Variants in STXBP6 observed in about 807,000 individuals in gnomAD.
STXBP6 encodes syntaxin-binding protein 6.
STXBP6 carries 21 observed loss-of-function variants against 26.9 expected under a neutral mutation model. That is an observed-to-expected ratio of 0.78 (90% CI 0.55 to 1.12). The LOEUF (loss-of-function observed/expected upper bound fraction) is 1.12, where lower values mean the gene tolerates loss of function less well. Ranked by LOEUF, STXBP6 falls within the 50% of genes most tolerant of loss-of-function variation. STXBP6 has a pLI of 0.00. For missense variants in STXBP6, 232 were observed against 257.9 expected, an observed-to-expected ratio of 0.90 and a Z score of 0.69; for synonymous variants, 97 against 92.6, an observed-to-expected ratio of 1.05 and a Z score of -0.27.
intron 2 of STXBP6, among the ~76,000 whole-genome samples, chr14:24,942,745 A>G (rs1168254496): frequency 6.6e-6 from 1 of 152,246 alleles, no homozygotes; most frequent in Admixed American, 6.5e-5. Context: ...TTCACAAAAG[A>G]TAAAGGGGGT....
chr14:24,822,875 G>A (rs12879077), intron 4 of STXBP6, among the ~76,000 whole-genome samples: 5,950 of 152,170 alleles, frequency 0.039, 159 homozygotes, highest in Middle Eastern at 0.11. Context: ...AGTTTCACAC[G>A]TATTTATTAA....
chr14:24,990,013 A>T (rs1473405181), intron 1 of STXBP6, among the ~76,000 whole-genome samples: 1 of 152,188 alleles, frequency 6.6e-6, no homozygotes, highest in African/African-American at 2.4e-5. Context: ...AGATGGAGAC[A>T]ATGGTTTTTA....
intron 2 of STXBP6, among the ~76,000 whole-genome samples, chr14:24,932,305 G>A (rs2072444805): frequency 1.3e-5 from 2 of 152,178 alleles, no homozygotes; most frequent in South Asian, 4.1e-4. Flanking sequence ...TACTTAGGAG[G>A]CTGAGGCAGG....
chr14:24,878,816 G>C (rs1328265440), intron 2 of STXBP6: 1 of 449,906 alleles, frequency 2.2e-6, no homozygotes, highest in African/African-American at 2.0e-5. Flanking sequence ...CTTGATATCT[G>C]TGTAAACAGA....
At chr14:24,901,214 C>T (rs1346669836) in intron 2 of STXBP6, among the ~76,000 whole-genome samples, 1 of 151,456 alleles carries the variant, frequency 6.6e-6, no homozygotes, top group Non-Finnish European at 1.5e-5. Flanking sequence ...ATATTATTAA[C>T]ATTTTCTTTC....
intron 2 of STXBP6, among the ~76,000 whole-genome samples, chr14:24,958,471 T>C (rs1000449351): frequency 6.6e-6 from 1 of 152,180 alleles, no homozygotes; most frequent in African/African-American, 2.4e-5. Flanking sequence ...CAGAGCTGTA[T>C]TGTGGCTCAA....
At chr14:24,898,741 C>G (rs1047800214) in intron 2 of STXBP6, among the ~76,000 whole-genome samples, 17 of 152,050 alleles carry the variant, frequency 1.1e-4, no homozygotes, top group South Asian at 4.2e-4. Context: ...CTGTCAGCCA[C>G]TCATATGAAG....
intron 4 of STXBP6, among the ~76,000 whole-genome samples, chr14:24,820,647 A>G (rs975740139): frequency 6.6e-6 from 1 of 152,220 alleles, no homozygotes; most frequent in Non-Finnish European, 1.5e-5. Context: ...CTTTCATATC[A>G]TACTCATAAC....
At chr14:24,862,829 G>A (rs938427373) in intron 2 of STXBP6, among the ~76,000 whole-genome samples, 8 of 152,168 alleles carry the variant, frequency 5.3e-5, no homozygotes, top group Non-Finnish European at 8.8e-5. Flanking sequence ...ACAGCACTAC[G>A]TCCAGAGTAG....
intron 4 of STXBP6, among the ~76,000 whole-genome samples, chr14:24,846,464 T>C (rs1211425628): frequency 1.3e-5 from 2 of 152,206 alleles, no homozygotes; most frequent in Admixed American, 6.5e-5. Context: ...TTGGCCACCA[T>C]AAGGTTTATT....
chr14:24,908,856 C>T (rs1204354311), intron 2 of STXBP6, among the ~76,000 whole-genome samples: 1 of 152,192 alleles, frequency 6.6e-6, no homozygotes, highest in Non-Finnish European at 1.5e-5. Context: ...TCAGGTTCCA[C>T]ATCAGGCAAA....
Position 24,916,346 on chromosome 14 carries a change from C to T in STXBP6, c.154+58319G>A, listed in dbSNP as rs369621129. ...CAGTTGGACGCTGTGCTCATCAAAG[C>T]ATAATCACATAACACCTTTCTGAGT... On this transcript the variant is annotated intron_variant, in intron 2 of 5. Transcript: ENST00000323944. Among the ~76,000 whole-genome samples the T allele has an allele frequency of 4.6e-5, 7 of 152,222 alleles. No homozygotes were observed. The East Asian group carries it at 1.4e-3, about 29-fold the overall frequency.
At chr14:24,882,845 A>T (rs988362186) in intron 2 of STXBP6, among the ~76,000 whole-genome samples, 1 of 152,234 alleles carries the variant, frequency 6.6e-6, no homozygotes, top group African/African-American at 2.4e-5. Flanking sequence ...AAATTTACGT[A>T]TCTAAAAGCT....
chr14:24,919,495 A>T (rs1176070310), intron 2 of STXBP6, among the ~76,000 whole-genome samples: 1 of 151,974 alleles, frequency 6.6e-6, no homozygotes, highest in Non-Finnish European at 1.5e-5. Flanking sequence ...CCTTTAGAGA[A>T]GAACTATTTC....
At chr14:24,995,806 T>C (rs2074587553) in intron 1 of STXBP6, among the ~76,000 whole-genome samples, 1 of 152,154 alleles carries the variant, frequency 6.6e-6, no homozygotes, top group African/African-American at 2.4e-5. Flanking sequence ...ATCTTTCCCT[T>C]TTAGAGGACT....
intron 2 of STXBP6, among the ~76,000 whole-genome samples, chr14:24,907,873 A>C (rs531939816): frequency 2.8e-4 from 42 of 151,958 alleles, no homozygotes; most frequent in African/African-American, 9.9e-4. Flanking sequence ...AATGTTGAGC[A>C]TCCCAGGTCT....
chr14:25,030,365 A>G (rs1487293395), intron 1 of STXBP6, among the ~76,000 whole-genome samples: 2 of 152,226 alleles, frequency 1.3e-5, no homozygotes, highest in Non-Finnish European at 2.9e-5. Context: ...ACTCACCAGG[A>G]GAGCCTGGCC....
At chr14:24,990,073 T>C (rs1454368612) in intron 1 of STXBP6, among the ~76,000 whole-genome samples, 1 of 152,090 alleles carries the variant, frequency 6.6e-6, no homozygotes, top group Non-Finnish European at 1.5e-5. Flanking sequence ...ACACTTCCTG[T>C]TGGGGAAAGG....
At position 24,945,139 on chromosome 14, in the gene STXBP6, A is replaced by ATTTTTTTTTTTTTTTTTT. The variant is rs552562019; in HGVS notation, c.154+29508_154+29525dup. Among the ~76,000 whole-genome samples, 44 of 100,714 alleles carry ATTTTTTTTTTTTTTTTTT rather than the reference A, an allele frequency of 4.4e-4. 10 individuals carry two copies. The highest frequency in any genetic ancestry group is 9.4e-4 in the African/African-American group (26 of 27,538). The allele number at this position is 100,714 out of a possible 152,430, so 66.1% of individuals were successfully genotyped here. A position where few individuals can be genotyped will look rare whatever the true frequency, so the allele number is the denominator to read the frequency against. ...TGGCATGTATATGAACCAATTAGGA[A>ATTTTTTTTTTTTTTTTTT]TTTTTTTTTTTTTTTTTTTTTTTTT... On this transcript the variant is annotated intron_variant, in intron 2 of 5. Coordinates refer to ENST00000323944, the MANE Select transcript of STXBP6 (RefSeq NM_001394410.1).
Sources: gnomAD v4.1 joint callset for allele counts (sites outside exome capture counted in the v4.1 genomes callset) on GRCh38, gnomAD v4.1.1 for gene constraint, MANE v1.5 for transcripts, NCBI Gene and HGNC (gene_info 2026-07-23, HGNC 2026-07-21) for gene names.